The following SNAI2 variants were observed in gnomAD, a reference collection of about 807,000 sequenced individuals.
SNAI2 encodes snail family transcriptional repressor 2.
In SNAI2, 2 loss-of-function variants were observed where a neutral mutation model predicts 22.4. That is an observed-to-expected ratio of 0.09 (90% CI 0.04 to 0.28). The LOEUF is 0.28. Ranked by LOEUF, SNAI2 falls within the 10% of genes least tolerant of loss-of-function variation. The probability of loss-of-function intolerance (pLI) is 1.00; values close to 1 mark genes in which losing one functional copy is unlikely to be tolerated. For missense variants in SNAI2, 239 were observed against 320.8 expected (o/e 0.75, Z 1.95); for synonymous variants, 134 against 123.0 (o/e 1.09, Z -0.59).
chr8:48,921,343 G>A lies in SNAI2; in HGVS notation c.-78C>T, dbSNP rs1806159613. ...ACACGGCGGTCCCTACAGCATCGCG[G>A]CGGGCCAGGCTCGGGCAGGGGCCGT... On this transcript the variant is annotated 5_prime_UTR_variant, in exon 1 of 3. Transcript: ENST00000020945. 8.7e-7 allele frequency: 1 copy of A among 1,147,912 alleles called. No homozygotes were observed. The highest frequency in any genetic ancestry group is 1.2e-5 in the South Asian group (1 of 81,814). 71.1% of individuals were successfully genotyped at this position (1,147,912 alleles called of 1,614,324 possible).
At position 48,918,456 on chromosome 8, in the gene SNAI2, G is replaced by T. The variant is rs1038843614; in HGVS notation, c.*351C>A. ...CAATACTGTTCTTTTCAGTTGAAAT[G>T]ATTTGGCAGCAATGTAAATCTTTGC... is the stretch of plus-strand genomic sequence containing the variant. On this transcript the variant is annotated 3_prime_UTR_variant, in exon 3 of 3. Transcript: ENST00000020945. 5.3e-5 allele frequency: 16 copies of T among 304,116 alleles called. No homozygotes were observed. Among genetic ancestry groups the T allele is most frequent in the African/African-American group, 3.5e-4 (16 of 46,046 alleles). The allele number at this position is 304,116 out of a possible 1,614,324, so 18.8% of individuals were successfully genotyped here.
chr8:48,920,442 C>T lies in SNAI2; in HGVS notation c.80-1G>A. 1 of 1,613,460 alleles carries T rather than the reference C, an allele frequency of 6.2e-7. No homozygotes were observed. The stretch of plus-strand genomic sequence containing the variant: ...TCATAGAGATACGGGGAAATAATCA[C>T]TGGGAAAGAAAAGGGAGGGAGAGAA... On this transcript the variant is annotated splice_acceptor_variant, in intron 1 of 2. Transcript: ENST00000020945. LOFTEE classifies it high-confidence loss of function.
intron 1 of SNAI2, 34 bp from the exon 2 acceptor site, chr8:48,920,475 G>A (rs1806146225): frequency 6.4e-7 from 1 of 1,572,758 alleles, no homozygotes. Context: ...GAAGATTAAG[G>A]CAAAAATAAT....
At position 48,921,284 on chromosome 8, in the gene SNAI2, G is replaced by C; in HGVS notation, c.-19C>G. The C allele has an allele frequency of 1.2e-6, 2 of 1,605,478 alleles. No homozygotes were observed. Among genetic ancestry groups the C allele is most frequent in the Non-Finnish European group, 1.7e-6 (2 of 1,174,940 alleles). On this transcript the variant is annotated 5_prime_UTR_variant, in exon 1 of 3. Transcript: ENST00000020945. Reference sequence around the variant, plus strand: ...GCGGCATCTTGCCAGCGGGTCTGGCGGGCGCCCGGCGCGGATAACGGTCCG... The same window carrying C: ...GCGGCATCTTGCCAGCGGGTCTGGCCGGCGCCCGGCGCGGATAACGGTCCG...
intron 2 of SNAI2, among the ~76,000 whole-genome samples, chr8:48,919,570 A>G (rs189279011): frequency 3.3e-5 from 5 of 152,344 alleles, no homozygotes; most frequent in African/African-American, 1.2e-4. Flanking sequence ...TAAGATAGCA[A>G]CATTTGTATT....
rs1806115003 is a variant in SNAI2 at position 48,918,678 on chromosome 8, CATATGTGTGTGT to C, written c.*117_*128del. ...CTGTGGGTGTGTGTGTGTGTGTGTG[CATATGTGTGTGT>C]GTCTATACATATTATTTGGTTGGTC... is the stretch of plus-strand genomic sequence containing the variant. On this transcript the variant is annotated 3_prime_UTR_variant, in exon 3 of 3. Coordinates refer to ENST00000020945, the MANE Select transcript of SNAI2 (RefSeq NM_003068.5). The C allele has an allele frequency of 1.3e-6, 1 of 765,244 alleles. No individual in the cohort carries two copies. Among genetic ancestry groups the C allele is most frequent in the Non-Finnish European group, 2.3e-6 (1 of 437,382 alleles). The allele number at this position is 765,244 out of a possible 1,614,324, so 47.4% of individuals were successfully genotyped here.
At position 48,920,424 on chromosome 8, in the gene SNAI2, G is replaced by C. The variant is rs748128814; in HGVS notation, c.97C>G (p.Leu33Val). 1.9e-6 allele frequency: 3 copies of C among 1,614,048 alleles called. No individual in the cohort carries two copies. The highest frequency in any genetic ancestry group is 2.5e-6 in the Non-Finnish European group (3 of 1,179,912). Residue 33 changes from leucine (L) to valine (V), a missense_variant, in exon 2 of 3, where the codon CTC becomes GTC. Transcript: ENST00000020945. ...ACAGGCATGGAGTAACTCTCATAGAGATACGGGGAAATAATCACTGGGAAA... is the reference window on the plus strand; with the variant it reads ...ACAGGCATGGAGTAACTCTCATAGACATACGGGGAAATAATCACTGGGAAA... Reference protein sequence around the residue: ...DTHTVIISPYLYESYSMPVIP... With the variant: ...DTHTVIISPYVYESYSMPVIP...
chr8:48,920,446 G>A lies in SNAI2; in HGVS notation c.80-5C>T, dbSNP rs1440269330. 6.2e-7 allele frequency: 1 copy of A among 1,613,172 alleles called. No homozygotes were observed. The highest frequency in any genetic ancestry group is 1.3e-5 in the African/African-American group (1 of 75,014). ...AGAGATACGGGGAAATAATCACTGGGAAAGAAAAGGGAGGGAGAGAAGATT... is the reference window on the plus strand; with the variant it reads ...AGAGATACGGGGAAATAATCACTGGAAAAGAAAAGGGAGGGAGAGAAGATT... On this transcript the variant is annotated splice_region_variant and splice_polypyrimidine_tract_variant and intron_variant, in intron 1 of 2. Transcript: ENST00000020945.
Position 48,920,653 on chromosome 8 carries a change from G to T in SNAI2, c.80-212C>A, listed in dbSNP as rs539338898. Among the ~76,000 whole-genome samples, 27 of 152,286 alleles carry T rather than the reference G, an allele frequency of 1.8e-4. No individual in the cohort carries two copies. The South Asian group carries it at 5.4e-3, about 30-fold the overall frequency. On this transcript the variant is annotated intron_variant, in intron 1 of 2. Coordinates refer to ENST00000020945, the MANE Select transcript of SNAI2 (RefSeq NM_003068.5). The stretch of plus-strand genomic sequence containing the variant: ...AGTTACTGTACTTAATGCACACATA[G>T]GCTGACAGCTGCACGGAGCTATAGG...
intron 2 of SNAI2, 30 bp downstream of exon 2, chr8:48,919,866 T>A: frequency 6.2e-7 from 1 of 1,607,440 alleles, no homozygotes; most frequent in Non-Finnish European, 8.5e-7. Flanking sequence ...TATCTCAGAG[T>A]AACATTCCTG....
In SNAI2 at chr8:48,920,045, A is replaced by C. The variant is rs747758720; in HGVS notation, c.476T>G (p.Phe159Cys). 1.2e-6 allele frequency: 2 copies of C among 1,614,232 alleles called. No individual in the cohort carries two copies. The highest frequency in any genetic ancestry group is 1.7e-6 in the Non-Finnish European group (2 of 1,180,046). The change falls in exon 2 of 3, where the codon TTC becomes TGC. Residue 159 changes from phenylalanine (F) to cysteine (C), a missense_variant. This residue lies in a region of SNAI2 where 183 missense variants were observed against 190.4 expected (regional missense o/e 0.96). Transcript: ENST00000020945. ...LHCDAQSRKS[F>C]SCKYCDKEYV... ...TTCCTTGTCACAGTATTTACAGCTG[A>C]AAGATTTTCTAGACTGGGCATCGCA...
Position 48,918,802 on chromosome 8 carries a change from G to T in SNAI2, c.*5C>A. 5.0e-6 allele frequency: 8 copies of T among 1,613,686 alleles called. No individual in the cohort carries two copies. The highest frequency in any genetic ancestry group is 6.8e-6 in the Non-Finnish European group (8 of 1,179,604). ...TTCTGTTCGAGTAAACATTGATTGC[G>T]TCACTCAGTGTGCTACACAGCAGCC... On this transcript the variant is annotated 3_prime_UTR_variant, in exon 3 of 3. Transcript: ENST00000020945.
intron 1 of SNAI2, among the ~76,000 whole-genome samples, chr8:48,920,779 T>C (rs1330188573): frequency 6.6e-6 from 1 of 152,174 alleles, no homozygotes; most frequent in Non-Finnish European, 1.5e-5. Flanking sequence ...AAAGTTGTTT[T>C]CCATGTTACG....
intron 2 of SNAI2, among the ~76,000 whole-genome samples, chr8:48,919,267 T>A (rs1229539349): frequency 6.6e-6 from 1 of 152,264 alleles, no homozygotes; most frequent in Non-Finnish European, 1.5e-5. Context: ...TAAAGCTTTC[T>A]GCTTTAGCAG....
rs376808532 is a variant in SNAI2, at chr8:48,917,888, A to G, written c.*919T>C. ...TAGCTATAGACAACATCTCAGTTTC[A>G]TACAGAACTCATTCAATCATATAAA... On this transcript the variant is annotated 3_prime_UTR_variant, in exon 3 of 3. Coordinates refer to ENST00000020945, the MANE Select transcript of SNAI2 (RefSeq NM_003068.5). 3.3e-5 allele frequency: 5 copies of G among 152,192 alleles called. No individual in the cohort carries two copies. The East Asian group carries it at 9.6e-4, about 29-fold the overall frequency. 9.4% of individuals were successfully genotyped at this position (152,192 alleles called of 1,614,324 possible).
Position 48,920,241 on chromosome 8 carries a change from T to A in SNAI2, c.280A>T (p.Thr94Ser), listed in dbSNP as rs1806141158. The change falls in exon 2 of 3, where the codon ACC (threonine) becomes TCC (serine). Residue 94 changes from threonine (T) to serine (S), a missense_variant. This residue lies in a region of SNAI2 where 183 missense variants were observed against 190.4 expected (regional missense o/e 0.96). Coordinates refer to ENST00000020945, the MANE Select transcript of SNAI2 (RefSeq NM_003068.5). ...GRVSPPPPSD[T>S]SSKDHSGSES... ...GAGCCACTGTGGTCCTTGGAGGAGG[T>A]GTCAGATGGAGGAGGGGGACTCACT... 1.2e-6 allele frequency: 2 copies of A among 1,613,872 alleles called. No homozygotes were observed. The highest frequency in any genetic ancestry group is 2.7e-5 in the African/African-American group (2 of 74,950).
At position 48,920,211 on chromosome 8, in the gene SNAI2, T is replaced by A; in HGVS notation, c.310A>T (p.Ser104Cys). Residue 104 changes from serine (S) to cysteine (C), a missense_variant, in exon 2 of 3, where the codon AGC becomes TGC. Ser to Cys is a moderately radical substitution (Grantham distance 112). Coordinates refer to ENST00000020945, the MANE Select transcript of SNAI2 (RefSeq NM_003068.5). ...CTTTCCTCTTCATCACTAATGGGGCTTTCTGAGCCACTGTGGTCCTTGGAG... is the reference window on the plus strand; with the variant it reads ...CTTTCCTCTTCATCACTAATGGGGCATTCTGAGCCACTGTGGTCCTTGGAG... ...TSSKDHSGSE[S>C]PISDEEERLQ... 6.2e-7 allele frequency: 1 copy of A among 1,614,188 alleles called. No individual in the cohort carries two copies.
intron 2 of SNAI2, 41 bp downstream of exon 2, chr8:48,919,855 G>A (rs373585046): frequency 1.1e-5 from 18 of 1,592,110 alleles, no homozygotes; most frequent in Non-Finnish European, 1.5e-5. Flanking sequence ...GGGCTTCATT[G>A]TATCTCAGAG....
intron 1 of SNAI2, 87 bp from the exon 2 acceptor site, chr8:48,920,528 AT>A: frequency 8.5e-7 from 1 of 1,173,508 alleles, no homozygotes; most frequent in Non-Finnish European, 1.3e-6. Context: ...CTGGAAAGAT[AT>A]TTAGCAACAC....
Sources: gnomAD v4.1 joint callset for allele counts (sites outside exome capture counted in the v4.1 genomes callset) on GRCh38, gnomAD v4.1.1 for gene constraint, gnomAD v4.1.1 regional missense constraint, MANE v1.5 for transcripts, NCBI Gene and HGNC (gene_info 2026-07-23, HGNC 2026-07-21) for gene names.